Variants in WDFY2 observed in about 807,000 individuals in gnomAD.
WDFY2 encodes the protein WD repeat and FYVE domain containing 2, also known as WD repeat and FYVE domain-containing protein 2.
WDFY2 carries 36 observed loss-of-function variants against 56.4 expected under a neutral mutation model. The observed-to-expected ratio is 0.64, with a 90% CI of 0.49 to 0.84. WDFY2 has a LOEUF of 0.84. WDFY2 is among the 40% of genes least tolerant of loss of function. The pLI, the probability that WDFY2 is intolerant of heterozygous loss-of-function variation, is 0.00. For synonymous variants in WDFY2, 176 were observed against 183.7 expected, an observed-to-expected ratio of 0.96 and a Z score of 0.34; for missense variants, 444 against 512.2, an observed-to-expected ratio of 0.87 and a Z score of 1.29.
chr13:51,737,228 C>T (rs1952856431), intron 6 of WDFY2, among the ~76,000 whole-genome samples: 1 of 152,086 alleles, frequency 6.6e-6, no homozygotes. Context: ...CACATGCTTC[C>T]CATGCGCTAG....
intron 6 of WDFY2, among the ~76,000 whole-genome samples, chr13:51,734,318 AT>A (rs1952788707): frequency 6.6e-6 from 1 of 152,196 alleles, no homozygotes; most frequent in Non-Finnish European, 1.5e-5. Context: ...TACATTTGGG[AT>A]TCTCTTCTAA....
intron 3 of WDFY2, among the ~76,000 whole-genome samples, chr13:51,699,300 T>A (rs1593427098): frequency 6.6e-6 from 1 of 152,222 alleles, no homozygotes; most frequent in Non-Finnish European, 1.5e-5. Context: ...CTTCCTTCAG[T>A]GGATTTTTCC....
chr13:51,660,453 G>C (rs1955590279), intron 1 of WDFY2, 143 bp from the exon 2 acceptor site: 1 of 563,912 alleles, frequency 1.8e-6, no homozygotes, highest in Non-Finnish European at 3.1e-6. Flanking sequence ...GCCTACCTCG[G>C]CCTCTCAAAG....
chr13:51,625,352 C>T (rs1954819637), intron 1 of WDFY2, among the ~76,000 whole-genome samples: 1 of 152,134 alleles, frequency 6.6e-6, no homozygotes, highest in Non-Finnish European at 1.5e-5. Context: ...TGCATGTGCC[C>T]AGCATTTGTG....
At chr13:51,719,693 C>T (rs1353118399) in intron 5 of WDFY2, among the ~76,000 whole-genome samples, 1 of 152,160 alleles carries the variant, frequency 6.6e-6, no homozygotes, top group East Asian at 1.9e-4. Context: ...AATCTTTGCT[C>T]TTTGTACAGA....
At chr13:51,681,982 G>T (rs1264739333) in intron 3 of WDFY2, among the ~76,000 whole-genome samples, 2 of 152,176 alleles carry the variant, frequency 1.3e-5, no homozygotes, top group African/African-American at 4.8e-5. Context: ...AGTCGTGAAT[G>T]CAGATACCAA....
At chr13:51,589,796 C>G (rs1322106664) in intron 1 of WDFY2, 1 of 152,136 alleles carries the variant, frequency 6.6e-6, no homozygotes, top group African/African-American at 2.4e-5. Flanking sequence ...AATACACTTT[C>G]CACTGCGCAC....
intron 1 of WDFY2, among the ~76,000 whole-genome samples, chr13:51,619,706 G>A (rs1280804850): frequency 1.3e-5 from 2 of 152,176 alleles, no homozygotes; most frequent in African/African-American, 4.8e-5. Context: ...TTCATGAATT[G>A]GGTAGTCCCC....
intron 1 of WDFY2, among the ~76,000 whole-genome samples, chr13:51,604,685 A>T (rs1262799824): frequency 6.6e-6 from 1 of 152,234 alleles, no homozygotes; most frequent in Non-Finnish European, 1.5e-5. Flanking sequence ...AGGTGCTCAG[A>T]AACCACATGT....
chr13:51,644,814 A>G (rs1171544343), intron 1 of WDFY2, among the ~76,000 whole-genome samples: 1 of 152,202 alleles, frequency 6.6e-6, no homozygotes, highest in African/African-American at 2.4e-5. Flanking sequence ...AGGGGACCAG[A>G]GGCTGGACAA....
At chr13:51,750,191 A>G (rs531123102) in intron 7 of WDFY2, among the ~76,000 whole-genome samples, 2 of 152,330 alleles carry the variant, frequency 1.3e-5, no homozygotes, top group South Asian at 4.1e-4. Flanking sequence ...GGTTCAAAAT[A>G]TTAGAGGTTT....
At chr13:51,696,552 G>T (rs1350151318) in intron 3 of WDFY2, among the ~76,000 whole-genome samples, 1 of 152,178 alleles carries the variant, frequency 6.6e-6, no homozygotes, top group East Asian at 1.9e-4. Context: ...CAAATAAAAT[G>T]TGGTAAAGAT....
chr13:51,758,132 ATCTC>A lies in WDFY2; in HGVS notation c.1065-55_1065-52del, dbSNP rs768372007. ...AATTTAGAGCCTAATGTCATCCTAG[ATCTC>A]TCTCATTCATATGTCACCACCTTTT... is the stretch of plus-strand genomic sequence containing the variant. On this transcript the variant is annotated intron_variant, in intron 10 of 11. Transcript: ENST00000298125. The A allele has an allele frequency of 8.1e-5, 103 of 1,279,492 alleles. 1 individual carries two copies. Among genetic ancestry groups the A allele is most frequent in the Middle Eastern group, 5.8e-4 (3 of 5,160 alleles). The allele number at this position is 1,279,492 out of a possible 1,614,324, so 79.3% of individuals were successfully genotyped here.
At chr13:51,680,687 G>T (rs1336720983) in intron 3 of WDFY2, among the ~76,000 whole-genome samples, 4 of 152,182 alleles carry the variant, frequency 2.6e-5, no homozygotes, top group Non-Finnish European at 4.4e-5. Context: ...GATATTAAAA[G>T]AAGATGATTC....
At chr13:51,633,714 A>G (rs1183746748) in intron 1 of WDFY2, among the ~76,000 whole-genome samples, 1 of 152,218 alleles carries the variant, frequency 6.6e-6, no homozygotes, top group Non-Finnish European at 1.5e-5. Context: ...AGTCACATGC[A>G]TCATCTTGAT....
At chr13:51,725,886 G>A (rs76601803) in intron 5 of WDFY2, among the ~76,000 whole-genome samples, 2,200 of 152,060 alleles carry the variant, frequency 0.014, 21 homozygotes, top group Non-Finnish European at 0.025. Flanking sequence ...TAGAGATGAG[G>A]TCTCACTTTG....
chr13:51,753,369 G>C (rs1953280849), intron 8 of WDFY2, among the ~76,000 whole-genome samples: 2 of 152,130 alleles, frequency 1.3e-5, no homozygotes, highest in Admixed American at 1.3e-4. Context: ...CATTGCATAG[G>C]TTGAACAGGT....
intron 4 of WDFY2, among the ~76,000 whole-genome samples, chr13:51,714,760 A>G (rs1417481969): frequency 2.6e-5 from 4 of 152,212 alleles, no homozygotes; most frequent in Non-Finnish European, 4.4e-5. Flanking sequence ...TGTGTTGCTT[A>G]ATGACAGTGA....
At chr13:51,640,914 A>G (rs957223905) in intron 1 of WDFY2, among the ~76,000 whole-genome samples, 1 of 151,748 alleles carries the variant, frequency 6.6e-6, no homozygotes, top group East Asian at 1.9e-4. Context: ...ATCTTTGCTC[A>G]CTGGGATGAT....
Sources: gnomAD v4.1 joint callset for allele counts (sites outside exome capture counted in the v4.1 genomes callset) on GRCh38, gnomAD v4.1.1 for gene constraint, MANE v1.5 for transcripts, NCBI Gene and HGNC (gene_info 2026-07-23, HGNC 2026-07-21) for gene names.